The following RAB28 variants were observed in gnomAD, a reference collection of about 807,000 sequenced individuals.
RAB28 encodes RAB28, member RAS oncogene family, also known as ras-related protein Rab-28.
In RAB28, 24 loss-of-function variants were observed where a neutral mutation model predicts 31.7. The observed-to-expected ratio is 0.76, with a 90% CI of 0.55 to 1.06. The LOEUF (loss-of-function observed/expected upper bound fraction) is 1.06, where lower values mean the gene tolerates loss of function less well. RAB28 is among the 50% of genes least tolerant of loss of function. The pLI, the probability that RAB28 is intolerant of heterozygous loss-of-function variation, is 0.00. For missense variants in RAB28, 254 were observed against 258.5 expected (o/e 0.98, Z 0.12); for synonymous variants, 100 against 90.4 (o/e 1.11, Z -0.60).
At chr4:13,432,930 T>C (rs915340595) in intron 4 of RAB28, among the ~76,000 whole-genome samples, 1 of 151,378 alleles carries the variant, frequency 6.6e-6, no homozygotes, top group Non-Finnish European at 1.5e-5. Context: ...ATATTAACCT[T>C]GAACGTAAAT....
intron 4 of RAB28, among the ~76,000 whole-genome samples, chr4:13,402,209 C>T (rs1711808883): frequency 6.6e-6 from 1 of 152,214 alleles, no homozygotes; most frequent in South Asian, 2.1e-4. Context: ...ATATATTCTT[C>T]TGTTGTCAGA....
chr4:13,484,251 G>T lies in RAB28; in HGVS notation c.-101C>A. 2.2e-6 allele frequency: 2 copies of T among 902,038 alleles called. No individual in the cohort carries two copies. Among genetic ancestry groups the T allele is most frequent in the Non-Finnish European group, 3.6e-6 (2 of 561,800 alleles). The allele number at this position is 902,038 out of a possible 1,614,324, so 55.9% of individuals were successfully genotyped here. On this transcript the variant is annotated 5_prime_UTR_variant, in exon 1 of 7. Coordinates refer to ENST00000330852, the MANE Select transcript of RAB28 (RefSeq NM_001017979.3). ...GGAGGAAGGGAGGTAGTTGCGGCAG[G>T]ACCCCCGCCCCGGTGTCTCCGCGCC... is the stretch of plus-strand genomic sequence containing the variant.
intron 5 of RAB28, among the ~76,000 whole-genome samples, chr4:13,377,025 T>C (rs1728949368): frequency 1.3e-5 from 2 of 152,160 alleles, no homozygotes; most frequent in Non-Finnish European, 1.5e-5. Context: ...CTTGGTCCTT[T>C]TAGCCACCTT....
chr4:13,432,418 C>G (rs1346683363), intron 4 of RAB28, among the ~76,000 whole-genome samples: 1 of 151,954 alleles, frequency 6.6e-6, no homozygotes, highest in African/African-American at 2.4e-5. Flanking sequence ...AGGTCAACAT[C>G]CAGAGAAAGG....
intron 2 of RAB28, among the ~76,000 whole-genome samples, chr4:13,475,409 T>C (rs1472914014): frequency 6.6e-6 from 1 of 151,516 alleles, no homozygotes; most frequent in African/African-American, 2.4e-5. Flanking sequence ...AATAAAAGAT[T>C]AGAAACTGAA....
chr4:13,385,066 C>T (rs1487708029), intron 4 of RAB28, among the ~76,000 whole-genome samples: 1 of 152,120 alleles, frequency 6.6e-6, no homozygotes, highest in Non-Finnish European at 1.5e-5. Context: ...GCAATTCCAA[C>T]TATTAATAGC....
chr4:13,436,430 A>C (rs577044556), intron 4 of RAB28, among the ~76,000 whole-genome samples: 2 of 152,194 alleles, frequency 1.3e-5, no homozygotes, highest in African/African-American at 4.8e-5. Flanking sequence ...CTGTTCACCA[A>C]CGTCATAATC....
chr4:13,470,917 G>T (rs1374779904), intron 3 of RAB28, among the ~76,000 whole-genome samples: 2 of 151,976 alleles, frequency 1.3e-5, no homozygotes, highest in Non-Finnish European at 2.9e-5. Context: ...GGGGGCAAAG[G>T]GACTGAAGAG....
intron 4 of RAB28, among the ~76,000 whole-genome samples, chr4:13,382,693 A>ATTT (rs35120402): frequency 3.5e-4 from 26 of 73,896 alleles, no homozygotes; most frequent in Non-Finnish European, 3.8e-4. Flanking sequence ...AAAATATGGA[A>ATTT]TTTTTTTTTT....
At chr4:13,471,434 T>C (rs184516493) in intron 3 of RAB28, among the ~76,000 whole-genome samples, 1 of 152,224 alleles carries the variant, frequency 6.6e-6, no homozygotes, top group East Asian at 1.9e-4. Context: ...GTCAATGTAC[T>C]TTATGTACTT....
chr4:13,456,156 A>G (rs1715288328), intron 4 of RAB28, among the ~76,000 whole-genome samples: 1 of 152,212 alleles, frequency 6.6e-6, no homozygotes, highest in Admixed American at 6.5e-5. Context: ...CAGATTCTCA[A>G]AAATGTTCAG....
chr4:13,381,285 T>C (rs1469022025), intron 5 of RAB28, among the ~76,000 whole-genome samples: 1 of 152,140 alleles, frequency 6.6e-6, no homozygotes, highest in East Asian at 1.9e-4. Flanking sequence ...TTCATTTTAA[T>C]TCCCCTTTTA....
At chr4:13,412,673 A>G (rs1286376758) in intron 4 of RAB28, among the ~76,000 whole-genome samples, 1 of 152,150 alleles carries the variant, frequency 6.6e-6, no homozygotes, top group East Asian at 1.9e-4. Context: ...ACAAAGGCAC[A>G]ACAAGAAAAC....
intron 4 of RAB28, among the ~76,000 whole-genome samples, chr4:13,416,387 C>G (rs1712780623): frequency 6.6e-6 from 1 of 152,124 alleles, no homozygotes; most frequent in Non-Finnish European, 1.5e-5. Context: ...GGAACAAACT[C>G]CAGACACGCC....
At chr4:13,457,073 C>A (rs1157317353) in intron 4 of RAB28, among the ~76,000 whole-genome samples, 6 of 152,176 alleles carry the variant, frequency 3.9e-5, no homozygotes, top group Non-Finnish European at 8.8e-5. Context: ...CTACACATTT[C>A]TTTTCAACAT....
chr4:13,459,831 C>T, intron 4 of RAB28: 1 of 1,276,294 alleles, frequency 7.8e-7, no homozygotes, highest in East Asian at 5.7e-5. Flanking sequence ...AAATGCATCG[C>T]TCAAAACCTC....
At chr4:13,375,115 G>T (rs1386128225) in intron 6 of RAB28, among the ~76,000 whole-genome samples, 1 of 152,056 alleles carries the variant, frequency 6.6e-6, no homozygotes, top group Non-Finnish European at 1.5e-5. Context: ...AATACCAAGG[G>T]CATTGGTGTC....
At chr4:13,468,533 A>C (rs1365924119) in intron 3 of RAB28, among the ~76,000 whole-genome samples, 1 of 151,882 alleles carries the variant, frequency 6.6e-6, no homozygotes, top group Non-Finnish European at 1.5e-5. Flanking sequence ...CAAAAAAAAA[A>C]CATATGCAAC....
At chr4:13,482,156 T>C (rs1716634253) in intron 1 of RAB28, among the ~76,000 whole-genome samples, 1 of 152,130 alleles carries the variant, frequency 6.6e-6, no homozygotes, top group Non-Finnish European at 1.5e-5. Context: ...AGAATGATAA[T>C]ACTAATTCAA....
Sources: gnomAD v4.1 joint callset for allele counts (sites outside exome capture counted in the v4.1 genomes callset) on GRCh38, gnomAD v4.1.1 for gene constraint, MANE v1.5 for transcripts, NCBI Gene and HGNC (gene_info 2026-07-23, HGNC 2026-07-21) for gene names.